Variants in B9D1 observed in about 807,000 individuals in gnomAD.
B9D1 encodes B9 domain containing 1, also known as B9 domain-containing protein 1.
B9D1 carries 20 observed loss-of-function variants against 26.1 expected under a neutral mutation model. The observed-to-expected ratio is 0.77, with a 90% CI of 0.54 to 1.12. The LOEUF (loss-of-function observed/expected upper bound fraction) is 1.12, where lower values mean the gene tolerates loss of function less well. Ranked by LOEUF, B9D1 falls within the 50% of genes most tolerant of loss-of-function variation. B9D1 has a pLI of 0.00. For synonymous variants in B9D1, 105 were observed against 103.1 expected, an observed-to-expected ratio of 1.02 and a Z score of -0.11; for missense variants, 260 against 273.7, an observed-to-expected ratio of 0.95 and a Z score of 0.35.
chr17:19,348,172 C>T (rs1046910679), intron 3 of B9D1, among the ~76,000 whole-genome samples: 1 of 151,826 alleles, frequency 6.6e-6, no homozygotes, highest in Non-Finnish European at 1.5e-5. Context: ...GAGGCACTTC[C>T]AGAGGCCTTA....
At chr17:19,374,500 T>C (rs1029144718) in intron 1 of B9D1, among the ~76,000 whole-genome samples, 3 of 152,212 alleles carry the variant, frequency 2.0e-5, no homozygotes, top group African/African-American at 7.2e-5. Context: ...GCTACTAAAA[T>C]TGTAAGAACA....
rs1183823019 is a variant in B9D1, at chr17:19,362,543, A to G, written c.27T>C (p.Phe9=). 9 of 1,589,078 alleles carry G rather than the reference A, an allele frequency of 5.7e-6. No individual in the cohort carries two copies. Among genetic ancestry groups the G allele is most frequent in the Admixed American group, 1.8e-5 (1 of 57,106 alleles). The part of the protein sequence containing the change: MATASPSV[F]LLMVNGQVES... The stretch of plus-strand genomic sequence containing the variant: ...CCACCTGCCCGTTGACCATGAGTAG[A>G]AAGACGCTAGGACTCGCGGTCGCCA... Residue 9 remains phenylalanine (F), a synonymous_variant, in exon 1 of 7, where the codon TTT becomes TTC. Coordinates refer to ENST00000261499, the MANE Select transcript of B9D1 (RefSeq NM_015681.6).
intron 1 of B9D1, among the ~76,000 whole-genome samples, chr17:19,368,733 C>T (rs1299473167): frequency 6.6e-6 from 1 of 152,046 alleles, no homozygotes; most frequent in East Asian, 1.9e-4. Context: ...TCATTCGAGC[C>T]CAGAAGTTCA....
At chr17:19,374,948 A>G (rs1324247060) in intron 1 of B9D1, among the ~76,000 whole-genome samples, 1 of 152,234 alleles carries the variant, frequency 6.6e-6, no homozygotes, top group Non-Finnish European at 1.5e-5. Context: ...TTTAGAATAT[A>G]TAAAGAACTC....
At chr17:19,367,297 C>CATT (rs781701480), upstream of B9D1, among the ~76,000 whole-genome samples, 1 of 148,558 alleles carries the variant, frequency 6.7e-6, no homozygotes, top group Non-Finnish European at 1.5e-5. Context: ...TTCACATAAC[C>CATT]TAAAATCAAT....
chr17:19,366,681 G>A (rs1291046001), upstream of B9D1, among the ~76,000 whole-genome samples: 3 of 152,198 alleles, frequency 2.0e-5, no homozygotes, highest in South Asian at 2.1e-4. Flanking sequence ...GGCCTTATAG[G>A]TCTTTCCTTC....
chr17:19,347,983 T>C lies in B9D1; in HGVS notation c.245-103A>G, dbSNP rs1909086632. ...GCTGAGGGTGCTCAAAGGATGGAGC[T>C]CAAAACTCTGGGGTGGCAGGCTTGA... On this transcript the variant is annotated intron_variant, in intron 3 of 6. Coordinates refer to ENST00000261499, the MANE Select transcript of B9D1 (RefSeq NM_015681.6). This position sits in a 1 kb window ranked among gnomAD's most constrained non-coding sequence, Gnocchi z 4.3. The C allele has an allele frequency of 9.9e-7, 1 of 1,007,888 alleles. No homozygotes were observed. Among genetic ancestry groups the C allele is most frequent in the Admixed American group, 2.0e-5 (1 of 51,026 alleles). The allele number at this position is 1,007,888 out of a possible 1,614,324, so 62.4% of individuals were successfully genotyped here. A position where few individuals can be genotyped will look rare whatever the true frequency, so the allele number is the denominator to read the frequency against.
chr17:19,375,669 G>GGTGCA (rs1365514638), intron 1 of B9D1, among the ~76,000 whole-genome samples: 2 of 152,160 alleles, frequency 1.3e-5, no homozygotes, highest in Middle Eastern at 6.3e-3. Context: ...TTGAACCTGG[G>GGTGCA]GTGCAGATGT....
At chr17:19,356,343 C>T (rs1377612621) in intron 3 of B9D1, among the ~76,000 whole-genome samples, 1 of 152,206 alleles carries the variant, frequency 6.6e-6, no homozygotes, top group Admixed American at 6.5e-5. Context: ...CTGCCTGCCT[C>T]AGCCTCCCAA....
chr17:19,362,375 C>T (rs1391863321), intron 1 of B9D1, 132 bp downstream of exon 1: 2 of 671,020 alleles, frequency 3.0e-6, no homozygotes, highest in Non-Finnish European at 4.9e-6. Flanking sequence ...GCTGGCTCCC[C>T]TCCCCCGCCT....
intron 3 of B9D1, among the ~76,000 whole-genome samples, chr17:19,354,157 C>T (rs994731230): frequency 1.3e-5 from 2 of 152,082 alleles, no homozygotes; most frequent in African/African-American, 2.4e-5. Flanking sequence ...AGATTTTTCT[C>T]ATTATCCTTG....
intron 3 of B9D1, 154 bp downstream of exon 3, chr17:19,357,686 G>A (rs1910532656): frequency 2.9e-6 from 2 of 694,392 alleles, no homozygotes; most frequent in Middle Eastern, 3.7e-4. Context: ...GGAGGGAAAG[G>A]GACAGATGGC....
chr17:19,335,610 A>C, downstream of B9D1: 1 of 649,944 alleles, frequency 1.5e-6, no homozygotes, highest in Non-Finnish European at 2.4e-6. Context: ...TCCCTAGGCT[A>C]AGACAGGGGT....
intron 3 of B9D1, among the ~76,000 whole-genome samples, chr17:19,350,317 A>AG (rs1669806605): frequency 6.6e-6 from 1 of 152,106 alleles, no homozygotes; most frequent in African/African-American, 2.4e-5. Context: ...AGGCTGAGGC[A>AG]GGTGGATCAT....
intron 1 of B9D1, among the ~76,000 whole-genome samples, chr17:19,375,182 T>C (rs1407939822): frequency 6.6e-6 from 1 of 151,928 alleles, no homozygotes; most frequent in Non-Finnish European, 1.5e-5. Flanking sequence ...CCTAGCTACT[T>C]GAGAGGCTGA....
At chr17:19,362,467 C>G (rs1319616704) in intron 1 of B9D1, 40 bp downstream of exon 1, 5 of 1,489,850 alleles carry the variant, frequency 3.4e-6, no homozygotes, top group African/African-American at 2.8e-5. Flanking sequence ...CCCCGGGGGA[C>G]GCTGGGGGGC....
chr17:19,351,569 CT>C (rs890246638), intron 3 of B9D1, among the ~76,000 whole-genome samples: 3 of 152,032 alleles, frequency 2.0e-5, no homozygotes, highest in Admixed American at 6.6e-5. Context: ...ACTTCCTCTT[CT>C]TTTTTTTCTT....
upstream of B9D1, chr17:19,363,649 C>A (rs1363054706): frequency 6.6e-6 from 1 of 152,190 alleles, no homozygotes; most frequent in African/African-American, 2.4e-5. Context: ...TATCTTGGAT[C>A]CAGGAAATGA....
intron 3 of B9D1, among the ~76,000 whole-genome samples, chr17:19,352,309 T>C (rs1909713670): frequency 6.6e-6 from 1 of 152,154 alleles, no homozygotes; most frequent in South Asian, 2.1e-4. Context: ...CTCATTCTAT[T>C]CTGCTTTCTT....
Sources: allele counts gnomAD v4.1 joint callset (sites outside exome capture counted in the v4.1 genomes callset), GRCh38; gene constraint gnomAD v4.1.1; non-coding constraint Gnocchi (gnomAD v3.1); transcripts MANE v1.5; gene names NCBI Gene and HGNC (gene_info 2026-07-23, HGNC 2026-07-21).